Variants in MNAT1 observed in about 807,000 individuals in gnomAD.
MNAT1 encodes the protein MNAT1 component of CDK activating kinase.
Under a neutral mutation model 42.0 loss-of-function variants are expected in MNAT1, and 43 were observed. The ratio of observed to expected loss-of-function variants is 1.02; its 90% confidence interval spans 0.80 to 1.32. The LOEUF (loss-of-function observed/expected upper bound fraction) is 1.32. Ranked by LOEUF, MNAT1 falls within the 40% of genes most tolerant of loss-of-function variation. The pLI, the probability that MNAT1 is intolerant of heterozygous loss-of-function variation, is 0.00. For synonymous variants in MNAT1, 118 were observed against 120.0 expected (o/e 0.98, Z 0.11); for missense variants, 306 against 350.4 (o/e 0.87, Z 1.01).
At chr14:60,940,286 T>A (rs2036115401) in intron 7 of MNAT1, among the ~76,000 whole-genome samples, 1 of 152,250 alleles carries the variant, frequency 6.6e-6, no homozygotes, top group Non-Finnish European at 1.5e-5. Flanking sequence ...TGATGTTAGC[T>A]GGTTATTTTG....
At chr14:60,953,800 C>T (rs529192477) in intron 7 of MNAT1, among the ~76,000 whole-genome samples, 2 of 152,172 alleles carry the variant, frequency 1.3e-5, no homozygotes, top group East Asian at 3.9e-4. Flanking sequence ...TTATATATTG[C>T]CTTTTTCATA....
intron 7 of MNAT1, among the ~76,000 whole-genome samples, chr14:60,913,818 G>C (rs1279457386): frequency 6.6e-6 from 1 of 152,172 alleles, no homozygotes; most frequent in Non-Finnish European, 1.5e-5. Flanking sequence ...CAGATCTCCA[G>C]CTGCGTGCTG....
rs892319024 is a variant in MNAT1 at position 60,886,870 on chromosome 14, C to G, written c.809+7035C>G. On this transcript the variant is annotated intron_variant, in intron 7 of 7. Coordinates refer to ENST00000261245, the MANE Select transcript of MNAT1 (RefSeq NM_002431.4). ...TTTGGATGTATTTTATTTTTCTTGT[C>G]TAATTGCTCTTTATAATACTTCCAA... Among the ~76,000 whole-genome samples the G allele has an allele frequency of 5.3e-5, 8 of 152,004 alleles. No homozygotes were observed. The South Asian group carries it at 1.7e-3, about 32-fold the overall frequency.
chr14:60,741,674 T>TTTG (rs1896468837), intron 1 of MNAT1, among the ~76,000 whole-genome samples: 1 of 146,602 alleles, frequency 6.8e-6, no homozygotes, highest in African/African-American at 2.5e-5. Flanking sequence ...TTTTTTTTTT[T>TTTG]TTTTTTAATT....
At chr14:60,856,176 A>G (rs1157627887) in intron 6 of MNAT1, among the ~76,000 whole-genome samples, 1 of 152,250 alleles carries the variant, frequency 6.6e-6, no homozygotes, top group Non-Finnish European at 1.5e-5. Flanking sequence ...ATGCAAAGGA[A>G]AAGTTAAAAG....
chr14:60,911,569 A>T (rs2035364835), intron 7 of MNAT1, among the ~76,000 whole-genome samples: 1 of 151,786 alleles, frequency 6.6e-6, no homozygotes, highest in Non-Finnish European at 1.5e-5. Flanking sequence ...TTCTGCCTTC[A>T]TTTCATTGTG....
intron 1 of MNAT1, among the ~76,000 whole-genome samples, chr14:60,779,324 C>T (rs943335197): frequency 2.6e-5 from 4 of 152,138 alleles, no homozygotes; most frequent in African/African-American, 4.8e-5. Flanking sequence ...GGATCTGGAT[C>T]GCTCTACTGG....
intron 6 of MNAT1, among the ~76,000 whole-genome samples, chr14:60,821,129 A>G (rs2032877723): frequency 6.6e-6 from 1 of 152,118 alleles, no homozygotes; most frequent in East Asian, 1.9e-4. Context: ...TCCTGCCCCC[A>G]TCCACATTAT....
chr14:60,954,929 A>T (rs1040255516), intron 7 of MNAT1, among the ~76,000 whole-genome samples: 1 of 152,126 alleles, frequency 6.6e-6, no homozygotes, highest in African/African-American at 2.4e-5. Flanking sequence ...TTTATCATGA[A>T]AGGACGTTGA....
chr14:60,795,190 G>A (rs977340273), intron 1 of MNAT1, among the ~76,000 whole-genome samples: 1 of 152,066 alleles, frequency 6.6e-6, no homozygotes, highest in Non-Finnish European at 1.5e-5. Flanking sequence ...CCACATCCTT[G>A]GCCCAGCCTG....
At chr14:60,953,911 A>G (rs1245885219) in intron 7 of MNAT1, among the ~76,000 whole-genome samples, 1 of 152,062 alleles carries the variant, frequency 6.6e-6, no homozygotes, top group Admixed American at 6.6e-5. Context: ...CCTTTTGGCC[A>G]TTTGTATGTC....
intron 7 of MNAT1, among the ~76,000 whole-genome samples, chr14:60,926,311 CT>C (rs368194827): frequency 3.3e-5 from 5 of 152,324 alleles, no homozygotes; most frequent in African/African-American, 1.2e-4. Flanking sequence ...ACTGGGCGTC[CT>C]CTAATTCAGT....
rs531155448 is a variant in MNAT1 at position 60,897,710 on chromosome 14, T to G, written c.809+17875T>G. Among the ~76,000 whole-genome samples the G allele has an allele frequency of 3.9e-5, 6 of 152,294 alleles. No individual in the cohort carries two copies. The South Asian group carries it at 1.2e-3, about 32-fold the overall frequency. ...CAAGTCAGGATATTTGGGGTATCCGTCACCTTGAGTATTTATTATTTCTAT... is the reference window on the plus strand; with the variant it reads ...CAAGTCAGGATATTTGGGGTATCCGGCACCTTGAGTATTTATTATTTCTAT... On this transcript the variant is annotated intron_variant, in intron 7 of 7. Transcript: ENST00000261245.
intron 6 of MNAT1, among the ~76,000 whole-genome samples, chr14:60,870,760 C>T (rs911936902): frequency 2.6e-5 from 4 of 152,142 alleles, no homozygotes; most frequent in African/African-American, 9.6e-5. Context: ...ATTTACTTAC[C>T]ATAAGAATTA....
intron 4 of MNAT1, chr14:60,809,095 A>G (rs535860084): frequency 6.6e-6 from 1 of 152,272 alleles, no homozygotes; most frequent in Non-Finnish European, 1.5e-5. Flanking sequence ...AATTGTATGC[A>G]TGCAAAGGAG....
intron 5 of MNAT1, among the ~76,000 whole-genome samples, chr14:60,812,560 GTCC>G (rs1373391384): frequency 1.3e-5 from 2 of 152,112 alleles, no homozygotes; most frequent in African/African-American, 4.8e-5. Flanking sequence ...TTGAGAACTT[GTCC>G]TCCTGTTTGG....
chr14:60,750,287 C>T (rs2030020997), intron 1 of MNAT1, among the ~76,000 whole-genome samples: 1 of 150,612 alleles, frequency 6.6e-6, no homozygotes, highest in Non-Finnish European at 1.5e-5. Context: ...AGTGCAGTGG[C>T]GCGATCTCGG....
intron 6 of MNAT1, among the ~76,000 whole-genome samples, chr14:60,859,323 G>A (rs1459642980): frequency 6.6e-6 from 1 of 152,154 alleles, no homozygotes; most frequent in Middle Eastern, 3.2e-3. Flanking sequence ...TAGGATTGGA[G>A]ATGATCTTTA....
intron 6 of MNAT1, among the ~76,000 whole-genome samples, chr14:60,822,974 C>A (rs1305051415): frequency 6.6e-6 from 1 of 152,114 alleles, no homozygotes; most frequent in African/African-American, 2.4e-5. Flanking sequence ...CCAGGCCGGT[C>A]TGGAACTCCT....
Sources: gnomAD v4.1 joint callset for allele counts (sites outside exome capture counted in the v4.1 genomes callset) on GRCh38, gnomAD v4.1.1 for gene constraint, MANE v1.5 for transcripts, NCBI Gene and HGNC (gene_info 2026-07-23, HGNC 2026-07-21) for gene names.